Variants in LOC400499 observed in about 807,000 individuals in gnomAD.
chr16:11,387,102 A>C, the LOC400499 span: 3 of 1,232,324 alleles, frequency 2.4e-6, no homozygotes, highest in Non-Finnish European at 3.0e-6. Flanking sequence ...AGCCCGGGGC[A>C]GGACTCACAT....
chr16:11,462,326 T>G, the LOC400499 span: 1 of 1,451,782 alleles, frequency 6.9e-7, no homozygotes, highest in African/African-American at 1.4e-5. Flanking sequence ...CAGTGTCACC[T>G]GGGAGGACAG....
At chr16:11,451,512 A>G in the LOC400499 span, among the ~76,000 whole-genome samples, 111 of 152,136 alleles carry the variant, frequency 7.3e-4, 1 homozygote, top group African/African-American at 2.6e-3. Context: ...TAATGGTGCA[A>G]TGCACTCCAG....
chr16:11,516,140 A>G, the LOC400499 span: 29 of 399,698 alleles, frequency 7.3e-5, no homozygotes, highest in South Asian at 3.4e-3. Flanking sequence ...TCCTGGCCTC[A>G]CCTCATCAAA....
At chr16:11,511,453 T>C in the LOC400499 span, among the ~76,000 whole-genome samples, 1 of 152,074 alleles carries the variant, frequency 6.6e-6, no homozygotes, top group East Asian at 1.9e-4. Context: ...CAAAGCCTCC[T>C]GGGAATGACA....
At chr16:11,375,262 T>C in the LOC400499 span, among the ~76,000 whole-genome samples, 1 of 143,688 alleles carries the variant, frequency 7.0e-6, no homozygotes, top group African/African-American at 2.7e-5. Flanking sequence ...CTTGTTATTT[T>C]CTGTATTAAT....
At chr16:11,460,951 C>T in the LOC400499 span, 39 of 1,521,344 alleles carry the variant, frequency 2.6e-5, no homozygotes, top group East Asian at 3.2e-4. Flanking sequence ...CAACCAGGCA[C>T]GCAGTGCCTT....
the LOC400499 span, among the ~76,000 whole-genome samples, chr16:11,497,083 T>G: frequency 2.0e-5 from 3 of 152,208 alleles, no homozygotes; most frequent in South Asian, 6.2e-4. Flanking sequence ...CCTGTGTGTT[T>G]GTGTGTCCCT....
the LOC400499 span, chr16:11,450,606 C>A: frequency 6.5e-7 from 1 of 1,535,796 alleles, no homozygotes; most frequent in Non-Finnish European, 8.7e-7. Flanking sequence ...GAGCACTGCT[C>A]ACCCGGAGGT....
At chr16:11,476,817 G>T in the LOC400499 span, 1 of 399,274 alleles carries the variant, frequency 2.5e-6, no homozygotes, top group Non-Finnish European at 4.4e-6. Context: ...GCACCTTAAG[G>T]ACCCGGCCCT....
the LOC400499 span, among the ~76,000 whole-genome samples, chr16:11,524,794 C>T: frequency 2.1e-5 from 3 of 142,050 alleles, no homozygotes; most frequent in African/African-American, 5.0e-5. Context: ...TACTTTCAAA[C>T]CTCGTTTCCC....
the LOC400499 span, among the ~76,000 whole-genome samples, chr16:11,446,224 C>T: frequency 6.6e-6 from 1 of 152,156 alleles, no homozygotes; most frequent in Non-Finnish European, 1.5e-5. Context: ...CCATGGCTCA[C>T]AGAAGCCTCA....
At chr16:11,383,771 G>C in the LOC400499 span, 2 of 1,232,144 alleles carry the variant, frequency 1.6e-6, no homozygotes, top group African/African-American at 3.1e-5. Flanking sequence ...CTGAGGAATG[G>C]TGTAGGGTCT....
the LOC400499 span, among the ~76,000 whole-genome samples, chr16:11,435,224 C>A: frequency 6.6e-6 from 1 of 152,002 alleles, no homozygotes; most frequent in South Asian, 2.1e-4. Flanking sequence ...GCAATCCTCC[C>A]ACCTCAGCCT....
the LOC400499 span, among the ~76,000 whole-genome samples, chr16:11,380,564 T>C: frequency 4.6e-5 from 7 of 152,180 alleles, no homozygotes; most frequent in African/African-American, 1.4e-4. Context: ...TAATTTCCTA[T>C]GAGAATTCAT....
the LOC400499 span, chr16:11,446,770 C>A: frequency 3.9e-6 from 6 of 1,535,944 alleles, no homozygotes. Context: ...GGCCTGGCAG[C>A]CCAGGACCAT....
At chr16:11,505,334 G>A in the LOC400499 span, among the ~76,000 whole-genome samples, 1 of 151,426 alleles carries the variant, frequency 6.6e-6, no homozygotes, top group Admixed American at 6.6e-5. Context: ...ACCTCTAATG[G>A]AAAGACAATA....
the LOC400499 span, among the ~76,000 whole-genome samples, chr16:11,484,502 C>G: frequency 6.6e-6 from 1 of 152,098 alleles, no homozygotes; most frequent in Non-Finnish European, 1.5e-5. Flanking sequence ...GTAGAACAAA[C>G]TGATGCTGCC....
the LOC400499 span, chr16:11,459,935 C>G: frequency 6.7e-7 from 1 of 1,498,664 alleles, no homozygotes; most frequent in South Asian, 1.3e-5. Context: ...CCGAGTCATT[C>G]TTGAAGGTCT....
the LOC400499 span, among the ~76,000 whole-genome samples, chr16:11,374,577 C>T: frequency 2.0e-5 from 3 of 152,158 alleles, no homozygotes; most frequent in East Asian, 3.8e-4. Flanking sequence ...TGGACTCATA[C>T]AGTACTTGTG....
Sources: gnomAD v4.1 joint callset for allele counts (sites outside exome capture counted in the v4.1 genomes callset) on GRCh38, gnomAD v4.1.1 for gene constraint, MANE v1.5 for transcripts.